The following OR56A3 variants were observed in gnomAD, a reference collection of about 807,000 sequenced individuals.
OR56A3 encodes olfactory receptor 56A3.
In OR56A3, 23 loss-of-function variants were observed where a neutral mutation model predicts 17.5. The ratio of observed to expected loss-of-function variants is 1.32; its 90% confidence interval spans 0.95 to 1.87. The LOEUF is 1.87. Among genes scored for constraint, OR56A3 ranks in the 40% most tolerant of loss-of-function variants. The probability of loss-of-function intolerance (pLI) is 0.00; values close to 1 mark genes in which losing one functional copy is unlikely to be tolerated. For missense variants in OR56A3, 366 were observed against 380.1 expected, an observed-to-expected ratio of 0.96 and a Z score of 0.31; for synonymous variants, 175 against 150.6, an observed-to-expected ratio of 1.16 and a Z score of -1.19.
chr11:6,002,643 G>T, the OR56A3 span: 12 of 1,614,254 alleles, frequency 7.4e-6, no homozygotes, highest in Middle Eastern at 1.6e-4. Flanking sequence ...GACCATGAAC[G>T]TGCAGGACTC....
chr11:6,008,904 G>C, the OR56A3 span, among the ~76,000 whole-genome samples: 1 of 151,768 alleles, frequency 6.6e-6, no homozygotes, highest in Non-Finnish European at 1.5e-5. Flanking sequence ...AGATATTAAT[G>C]GGTCATGTTA....
the OR56A3 span, among the ~76,000 whole-genome samples, chr11:5,959,800 G>A: frequency 1.3e-5 from 2 of 152,230 alleles, no homozygotes; most frequent in African/African-American, 2.4e-5. Context: ...CAGAGTTTGG[G>A]TTCTCATATT....
the OR56A3 span, among the ~76,000 whole-genome samples, chr11:5,974,314 C>T: frequency 1.3e-5 from 2 of 152,038 alleles, no homozygotes; most frequent in Non-Finnish European, 2.9e-5. Flanking sequence ...ACCATGTTGG[C>T]CAAGCTGGTC....
At chr11:5,962,859 C>A in the OR56A3 span, among the ~76,000 whole-genome samples, 1 of 152,142 alleles carries the variant, frequency 6.6e-6, no homozygotes, top group Non-Finnish European at 1.5e-5. Context: ...GATACTTCTA[C>A]TACTATCTTT....
the OR56A3 span, chr11:5,967,509 T>C: frequency 3.8e-6 from 5 of 1,301,310 alleles, no homozygotes; most frequent in South Asian, 4.5e-5. Flanking sequence ...TATTCTCCAA[T>C]ATCAATTTCT....
In OR56A3 at chr11:5,949,399, AG is replaced by A. The variant is rs1201273319; in HGVS notation, c.*1107del. 1 of 152,236 alleles carries A rather than the reference AG, an allele frequency of 6.6e-6. No individual in the cohort carries two copies. Among genetic ancestry groups the A allele is most frequent in the Non-Finnish European group, 1.5e-5 (1 of 68,050 alleles). 9.4% of individuals were successfully genotyped at this position (152,236 alleles called of 1,614,324 possible). A position where few individuals can be genotyped will look rare whatever the true frequency, so the allele number is the denominator to read the frequency against. ...TAGATAAAGAGAAGGTCTGGGCAGT[AG>A]GCCTTGCACAGCCACACACCCACAT... On this transcript the variant is annotated 3_prime_UTR_variant, in exon 3 of 3. Transcript: ENST00000641160.
At chr11:5,995,317 G>A in the OR56A3 span, among the ~76,000 whole-genome samples, 50 of 152,328 alleles carry the variant, frequency 3.3e-4, no homozygotes, top group East Asian at 6.0e-3. Context: ...CACTTATAGC[G>A]TGTTGCAATT....
At chr11:5,989,678 T>G in the OR56A3 span, among the ~76,000 whole-genome samples, 7 of 152,316 alleles carry the variant, frequency 4.6e-5, no homozygotes, top group African/African-American at 1.7e-4. Context: ...TTGGGCACAA[T>G]GTACACTATT....
At chr11:6,015,696 T>C in the OR56A3 span, among the ~76,000 whole-genome samples, 5 of 152,216 alleles carry the variant, frequency 3.3e-5, no homozygotes, top group Non-Finnish European at 4.4e-5. Flanking sequence ...GCTTTAAGGC[T>C]TAATGACTTC....
chr11:5,995,768 T>C, the OR56A3 span, among the ~76,000 whole-genome samples: 3 of 152,236 alleles, frequency 2.0e-5, no homozygotes, highest in Non-Finnish European at 4.4e-5. Context: ...TATCTTTTCA[T>C]TTTTCAAGAA....
chr11:6,005,388 G>A, the OR56A3 span, among the ~76,000 whole-genome samples: 1 of 152,210 alleles, frequency 6.6e-6, no homozygotes, highest in South Asian at 2.1e-4. Context: ...AGGGGCTACT[G>A]CATCCCAAGT....
At chr11:6,003,778 A>G in the OR56A3 span, among the ~76,000 whole-genome samples, 1 of 152,198 alleles carries the variant, frequency 6.6e-6, no homozygotes, top group Admixed American at 6.5e-5. Flanking sequence ...CTGTAATCAA[A>G]TGAGCTGAAG....
chr11:6,000,292 G>C, the OR56A3 span: 1 of 152,216 alleles, frequency 6.6e-6, no homozygotes, highest in African/African-American at 2.4e-5. Context: ...CATAAAAAAT[G>C]ATGAGTTCAT....
chr11:6,011,960 C>T, the OR56A3 span, among the ~76,000 whole-genome samples: 1 of 152,180 alleles, frequency 6.6e-6, no homozygotes, highest in Admixed American at 6.5e-5. Context: ...TGGTGGTGCC[C>T]AGAAGCTTGG....
At chr11:5,968,408 C>A in the OR56A3 span, 1 of 1,610,148 alleles carries the variant, frequency 6.2e-7, no homozygotes, top group Non-Finnish European at 8.5e-7. Context: ...GCAGAGACAG[C>A]CAGTGCTGCC....
the OR56A3 span, among the ~76,000 whole-genome samples, chr11:5,977,668 G>GT: frequency 6.6e-6 from 1 of 152,090 alleles, no homozygotes; most frequent in African/African-American, 2.4e-5. Flanking sequence ...TAGGTTATCT[G>GT]TTTACTGTAT....
chr11:5,996,828 T>C, the OR56A3 span, among the ~76,000 whole-genome samples: 6 of 152,168 alleles, frequency 3.9e-5, no homozygotes, highest in African/African-American at 1.4e-4. Flanking sequence ...GAACAAAAGA[T>C]AAAAATTAAC....
the OR56A3 span, among the ~76,000 whole-genome samples, chr11:5,962,687 T>C: frequency 3.3e-5 from 5 of 152,160 alleles, no homozygotes; most frequent in South Asian, 2.1e-4. Context: ...TACAGGCGCC[T>C]GCCACCGCGC....
the OR56A3 span, chr11:6,002,898 A>G: frequency 1.9e-6 from 3 of 1,614,108 alleles, no homozygotes; most frequent in South Asian, 3.3e-5. Flanking sequence ...GCTGAGGGGC[A>G]GAGACAACCA....
Sources: gnomAD v4.1 joint callset for allele counts (sites outside exome capture counted in the v4.1 genomes callset) on GRCh38, gnomAD v4.1.1 for gene constraint, MANE v1.5 for transcripts, NCBI Gene and HGNC (gene_info 2026-07-23, HGNC 2026-07-21) for gene names.